CHCHD3: variants seen among roughly 807,000 people sequenced by gnomAD.
The protein encoded by CHCHD3 is MICOS complex subunit MIC19.
CHCHD3 carries 20 observed loss-of-function variants against 38.2 expected under a neutral mutation model. The observed-to-expected ratio is 0.52, with a 90% confidence interval of 0.37 to 0.76. The LOEUF (loss-of-function observed/expected upper bound fraction) is 0.76. CHCHD3 is among the 30% of genes least tolerant of loss of function. The pLI, the probability that CHCHD3 is intolerant of heterozygous loss-of-function variation, is 0.00. For missense variants in CHCHD3, 245 were observed against 279.2 expected (o/e 0.88, Z 0.87); for synonymous variants, 82 against 100.0 (o/e 0.82, Z 1.07).
At chr7:132,872,118 G>T (rs1173255365) in intron 5 of CHCHD3, among the ~76,000 whole-genome samples, 1 of 152,138 alleles carries the variant, frequency 6.6e-6, no homozygotes, top group East Asian at 1.9e-4. Context: ...ATGTACTGAA[G>T]GTCATTAATT....
chr7:133,022,615 C>A, intron 3 of CHCHD3: 1 of 401,290 alleles, frequency 2.5e-6, no homozygotes, highest in East Asian at 7.1e-5. Context: ...AGGCTTCAAA[C>A]AAAACTTTTT....
Position 132,785,299 on chromosome 7 carries a change from T to C in CHCHD3, c.*338A>G. ...GTTAGGGTGGAGGTTCACCAAATGA[T>C]GGGGCTTGTTCAGAAGAGAAACATT... On this transcript the variant is annotated 3_prime_UTR_variant, in exon 8 of 8. Coordinates refer to ENST00000262570, the MANE Select transcript of CHCHD3 (RefSeq NM_017812.4). 4.3e-6 allele frequency: 1 copy of C among 234,350 alleles called. No individual in the cohort carries two copies. The highest frequency in any genetic ancestry group is 8.3e-6 in the Non-Finnish European group (1 of 120,974). The allele number at this position is 234,350 out of a possible 1,614,324, so 14.5% of individuals were successfully genotyped here. A position where few individuals can be genotyped will look rare whatever the true frequency, so the allele number is the denominator to read the frequency against.
intron 2 of CHCHD3, among the ~76,000 whole-genome samples, chr7:133,039,585 G>C (rs1434938462): frequency 6.6e-6 from 1 of 152,186 alleles, no homozygotes; most frequent in Non-Finnish European, 1.5e-5. Flanking sequence ...TTGCATGTCA[G>C]AGTTGCCAAC....
At chr7:132,879,716 TAAAAAAAAAAAAAAA>T (rs56259114) in intron 5 of CHCHD3, among the ~76,000 whole-genome samples, 3 of 38,426 alleles carry the variant, frequency 7.8e-5, no homozygotes, top group African/African-American at 2.1e-4. Context: ...TTGTCAAAAG[TAAAAAAAAAAAAAAA>T]AAAAAAAAAA....
At chr7:133,074,938 T>TA (rs1814934266) in intron 1 of CHCHD3, among the ~76,000 whole-genome samples, 2 of 152,036 alleles carry the variant, frequency 1.3e-5, no homozygotes, top group Admixed American at 6.6e-5. Context: ...AGGGACTTTT[T>TA]AATTCATTTT....
intron 4 of CHCHD3, among the ~76,000 whole-genome samples, chr7:132,919,614 T>C (rs370209014): frequency 2.0e-5 from 3 of 152,212 alleles, no homozygotes; most frequent in South Asian, 2.1e-4. Context: ...TCTAAGAATA[T>C]GAAACACAAG....
In CHCHD3 at chr7:133,035,214, C is replaced by G; in HGVS notation, c.170-10587G>C. 6.2e-7 allele frequency: 1 copy of G among 1,613,738 alleles called. No homozygotes were observed. Among genetic ancestry groups the G allele is most frequent in the Non-Finnish European group, 8.5e-7 (1 of 1,179,728 alleles). On this transcript the variant is annotated intron_variant, in intron 2 of 7. Coordinates refer to ENST00000262570, the MANE Select transcript of CHCHD3 (RefSeq NM_017812.4). The surrounding 1 kb of genome is among the most constrained non-coding windows in gnomAD (Gnocchi z 4.7). ...GGGCTTCTGCTTCTCTTCCCGTGAA[C>G]CCTTCTCTTTCCGTGGTGTGTCCTT...
chr7:133,067,351 T>A (rs1814698769), intron 2 of CHCHD3, among the ~76,000 whole-genome samples: 1 of 152,236 alleles, frequency 6.6e-6, no homozygotes, highest in African/African-American at 2.4e-5. Flanking sequence ...TCATTCTTTT[T>A]TTAACACCAA....
At chr7:132,983,189 G>A (rs1234649254) in intron 3 of CHCHD3, among the ~76,000 whole-genome samples, 9 of 152,188 alleles carry the variant, frequency 5.9e-5, no homozygotes, top group Admixed American at 1.3e-4. Context: ...CAGGCATGGT[G>A]GTAGCACCTG....
intron 4 of CHCHD3, among the ~76,000 whole-genome samples, chr7:132,960,490 G>A (rs1186902798): frequency 1.3e-5 from 2 of 152,116 alleles, no homozygotes; most frequent in Non-Finnish European, 1.5e-5. Context: ...CATCAAGGAG[G>A]TAAAAAGTAA....
intron 4 of CHCHD3, among the ~76,000 whole-genome samples, chr7:132,953,533 A>T (rs1811083915): frequency 6.6e-6 from 1 of 152,186 alleles, no homozygotes; most frequent in South Asian, 2.1e-4. Flanking sequence ...TCCACAGCTG[A>T]GCCTCCCTGA....
chr7:132,805,457 C>A (rs915185537), intron 6 of CHCHD3, among the ~76,000 whole-genome samples: 2 of 151,870 alleles, frequency 1.3e-5, no homozygotes, highest in Admixed American at 6.6e-5. Context: ...CAGGCTCAAT[C>A]GAGTCTGGCA....
chr7:133,077,258 C>T (rs972068250), intron 1 of CHCHD3, among the ~76,000 whole-genome samples: 2 of 152,134 alleles, frequency 1.3e-5, no homozygotes, highest in Non-Finnish European at 2.9e-5. Flanking sequence ...ACTAATCATC[C>T]ACTACTTAAC....
chr7:132,838,337 C>T, intron 6 of CHCHD3, 62 bp downstream of exon 6: 1 of 1,174,906 alleles, frequency 8.5e-7, no homozygotes, highest in East Asian at 2.5e-5. Context: ...GCAAAAAGCA[C>T]TAAAACTGTG....
In CHCHD3 at chr7:132,885,690, T is replaced by C; in HGVS notation, c.425A>G (p.Lys142Arg). Reference protein sequence around the residue: ...RVLKKQDAFYKEQLARLEERS... With the variant: ...RVLKKQDAFYREQLARLEERS... Reference sequence around the variant, plus strand: ...CTCCTCCAGTCTAGCCAGCTGTTCTTTGTAGAATGCATCCTGCTTCTTTAG... The same window carrying C: ...CTCCTCCAGTCTAGCCAGCTGTTCTCTGTAGAATGCATCCTGCTTCTTTAG... The change falls in exon 5 of 8, where the codon AAA becomes AGA. Residue 142 changes from lysine to arginine, a missense_variant. Coordinates refer to ENST00000262570, the MANE Select transcript of CHCHD3 (RefSeq NM_017812.4). 1 of 1,609,052 alleles carries C rather than the reference T, an allele frequency of 6.2e-7. No individual in the cohort carries two copies. Among genetic ancestry groups the C allele is most frequent in the Non-Finnish European group, 8.5e-7 (1 of 1,178,334 alleles).
At chr7:132,893,530 T>G (rs1313066450) in intron 4 of CHCHD3, among the ~76,000 whole-genome samples, 1 of 152,218 alleles carries the variant, frequency 6.6e-6, no homozygotes, top group East Asian at 1.9e-4. Context: ...GAAGGCCTGA[T>G]TAATTTTGAA....
chr7:132,864,884 T>C (rs1316874280), intron 5 of CHCHD3, among the ~76,000 whole-genome samples: 1 of 152,216 alleles, frequency 6.6e-6, no homozygotes, highest in African/African-American at 2.4e-5. Context: ...TCTTGTATTA[T>C]CCTGCATAAC....
intron 2 of CHCHD3, chr7:133,034,609 A>G (rs1310007426): frequency 6.6e-7 from 1 of 1,520,314 alleles, no homozygotes; most frequent in African/African-American, 1.4e-5. Flanking sequence ...AGAGATGTTC[A>G]CTTGAAGATC....
intron 2 of CHCHD3, among the ~76,000 whole-genome samples, chr7:133,050,484 G>C (rs1814132565): frequency 6.6e-6 from 1 of 151,220 alleles, no homozygotes; most frequent in Admixed American, 6.6e-5. Flanking sequence ...CAGGGTGACA[G>C]TATAGGAAAA....
Sources: gnomAD v4.1 joint callset for allele counts (sites outside exome capture counted in the v4.1 genomes callset) on GRCh38, gnomAD v4.1.1 for gene constraint, Gnocchi (gnomAD v3.1) non-coding constraint, MANE v1.5 for transcripts, NCBI Gene and HGNC (gene_info 2026-07-23, HGNC 2026-07-21) for gene names.